Variants in CSMD1 observed in about 807,000 individuals in gnomAD.
CSMD1 encodes CUB and sushi domain-containing protein 1.
Under a neutral mutation model 417.5 loss-of-function variants are expected in CSMD1, and 213 were observed. That is an observed-to-expected ratio of 0.51 (90% CI 0.46 to 0.57). The LOEUF (loss-of-function observed/expected upper bound fraction) is 0.57, where lower values mean the gene tolerates loss of function less well. Among genes scored for constraint, CSMD1 ranks in the 20% least tolerant of loss-of-function variants. CSMD1 has a pLI of 0.00. For missense variants in CSMD1, 6,923 were observed against 4,529.7 expected (o/e 1.53, Z -15.17); for synonymous variants, 2,862 against 1,736.8 (o/e 1.65, Z -16.11).
intron 5 of CSMD1, among the ~76,000 whole-genome samples, chr8:3,760,962 T>TA (rs113270861): frequency 4.6e-5 from 4 of 87,736 alleles, no homozygotes; most frequent in Non-Finnish European, 1.1e-4. Flanking sequence ...GTGCTTTTTC[T>TA]TTTTTTTTTG....
intron 1 of CSMD1, among the ~76,000 whole-genome samples, chr8:4,768,468 T>C (rs1462512466): frequency 6.6e-6 from 1 of 152,248 alleles, no homozygotes; most frequent in Non-Finnish European, 1.5e-5. Flanking sequence ...TTGCAGTTGA[T>C]TCTCTTAAAG....
At chr8:4,925,537 C>CTTTTTTTTTTTT (rs113682113) in intron 1 of CSMD1, among the ~76,000 whole-genome samples, 12 of 145,892 alleles carry the variant, frequency 8.2e-5, no homozygotes, top group Admixed American at 6.8e-5. Flanking sequence ...CTGGCATTTT[C>CTTTTTTTTTTTT]TTTTTTTTTT....
chr8:3,243,502 T>C (rs1799680612), intron 26 of CSMD1, among the ~76,000 whole-genome samples: 1 of 139,380 alleles, frequency 7.2e-6, no homozygotes, highest in Non-Finnish European at 1.6e-5. Context: ...GTGGAGGGGG[T>C]CACAAGATGC....
chr8:3,085,392 G>C (rs1814454764), intron 49 of CSMD1, among the ~76,000 whole-genome samples: 1 of 152,194 alleles, frequency 6.6e-6, no homozygotes, highest in Non-Finnish European at 1.5e-5. Context: ...TTTATAATTT[G>C]AGAACAAAGT....
chr8:4,002,007 T>A (rs140965595), intron 4 of CSMD1, among the ~76,000 whole-genome samples: 2 of 152,160 alleles, frequency 1.3e-5, no homozygotes, highest in Non-Finnish European at 1.5e-5. Context: ...AAATAATATA[T>A]GCAAGATATA....
intron 3 of CSMD1, among the ~76,000 whole-genome samples, chr8:4,183,073 C>T (rs1420024864): frequency 6.6e-6 from 1 of 152,120 alleles, no homozygotes; most frequent in African/African-American, 2.4e-5. Flanking sequence ...TGCTAGATGT[C>T]ACACTCATAT....
Position 4,274,332 on chromosome 8 carries a change from C to A in CSMD1, c.415+145621G>T, listed in dbSNP as rs542765157. On this transcript the variant is annotated intron_variant, in intron 3 of 69. Transcript: ENST00000635120. ...CTGGCATACGTGGGGAGGAAAAACA[C>A]ATGACTTTTTTTACGTTTCACTTTT... is the stretch of plus-strand genomic sequence containing the variant. Among the ~76,000 whole-genome samples the A allele has an allele frequency of 1.2e-4, 18 of 152,252 alleles. No individual in the cohort carries two copies. The East Asian group carries it at 3.5e-3, about 29-fold the overall frequency.
At chr8:4,285,262 T>G (rs1796999526) in intron 3 of CSMD1, among the ~76,000 whole-genome samples, 1 of 152,212 alleles carries the variant, frequency 6.6e-6, no homozygotes, top group Non-Finnish European at 1.5e-5. Context: ...ACTGTAGCCT[T>G]AAATGCCATT....
chr8:3,107,857 A>G (rs1816249717), intron 44 of CSMD1, 59 bp from the exon 45 acceptor site: 1 of 1,070,740 alleles, frequency 9.3e-7, no homozygotes, highest in African/African-American at 1.6e-5. Context: ...AATAAACACA[A>G]CTATTACAAA....
chr8:4,342,042 T>C lies in CSMD1; in HGVS notation c.415+77911A>G, dbSNP rs542660361. ...GGTCTCAAGATACAAATTCTTGATA[T>C]GAATTTGGAGCATCCTGAAGATCCT... On this transcript the variant is annotated intron_variant, in intron 3 of 69. Transcript: ENST00000635120. Among the ~76,000 whole-genome samples the C allele has an allele frequency of 2.6e-5, 4 of 152,260 alleles. 1 individual carries two copies. In the South Asian group the frequency reaches 8.3e-4, roughly 32 times the overall value.
At chr8:4,739,877 A>G (rs1487224683) in intron 1 of CSMD1, among the ~76,000 whole-genome samples, 1 of 152,038 alleles carries the variant, frequency 6.6e-6, no homozygotes. Context: ...GGATCTTTCT[A>G]AAACTCAGCA....
At chr8:3,220,150 C>CAA (rs756296256) in intron 28 of CSMD1, among the ~76,000 whole-genome samples, 2 of 114,208 alleles carry the variant, frequency 1.8e-5, no homozygotes, top group Non-Finnish European at 3.5e-5. Flanking sequence ...AAGACCCTGT[C>CAA]AAAAAAAAAA....
chr8:3,259,418 A>ATGAATGAG (rs1800890293), intron 26 of CSMD1, among the ~76,000 whole-genome samples: 1 of 131,334 alleles, frequency 7.6e-6, no homozygotes, highest in Admixed American at 8.1e-5. Context: ...GATGGCCTGA[A>ATGAATGAG]TGAATGAGTG....
At chr8:3,794,946 A>G (rs1459377047) in intron 5 of CSMD1, among the ~76,000 whole-genome samples, 2 of 151,876 alleles carry the variant, frequency 1.3e-5, no homozygotes, top group Admixed American at 6.6e-5. Context: ...ATGTATAGCT[A>G]TAGATATATA....
At chr8:4,453,111 C>T (rs1395111803) in intron 2 of CSMD1, among the ~76,000 whole-genome samples, 1 of 151,904 alleles carries the variant, frequency 6.6e-6, no homozygotes, top group African/African-American at 2.4e-5. Flanking sequence ...GCCAATGATT[C>T]GGAATTCCTT....
At chr8:4,125,489 G>T (rs1021430520) in intron 3 of CSMD1, among the ~76,000 whole-genome samples, 1 of 152,294 alleles carries the variant, frequency 6.6e-6, no homozygotes, top group East Asian at 1.9e-4. Flanking sequence ...CGCCCCGGCC[G>T]CACTGGGTAC....
At chr8:4,502,710 T>A (rs577486734) in intron 2 of CSMD1, among the ~76,000 whole-genome samples, 2 of 152,280 alleles carry the variant, frequency 1.3e-5, no homozygotes, top group East Asian at 3.9e-4. Context: ...TTCAGCCTCA[T>A]CAGTATATTA....
chr8:4,927,398 A>C (rs1201836471), intron 1 of CSMD1, among the ~76,000 whole-genome samples: 2 of 152,226 alleles, frequency 1.3e-5, no homozygotes, highest in African/African-American at 4.8e-5. Flanking sequence ...AATCCCTGCC[A>C]AACTGCCCCA....
At chr8:4,242,404 A>C (rs185010930) in intron 3 of CSMD1, among the ~76,000 whole-genome samples, 1 of 152,336 alleles carries the variant, frequency 6.6e-6, no homozygotes, top group Admixed American at 6.5e-5. Flanking sequence ...CCCACCCAGC[A>C]AATGAGAAAA....
Sources: gnomAD v4.1 joint callset for allele counts (sites outside exome capture counted in the v4.1 genomes callset) on GRCh38, gnomAD v4.1.1 for gene constraint, MANE v1.5 for transcripts, NCBI Gene and HGNC (gene_info 2026-07-23, HGNC 2026-07-21) for gene names.